The following RGS18 variants were observed in gnomAD, a reference collection of about 807,000 sequenced individuals.
RGS18 encodes the protein regulator of G-protein signaling 18.
RGS18 carries 22 observed loss-of-function variants against 27.6 expected under a neutral mutation model. That is an observed-to-expected ratio of 0.80 (90% CI 0.57 to 1.14). RGS18 has a LOEUF of 1.14. RGS18 is among the 50% of genes most tolerant of loss of function. RGS18 has a pLI of 0.00. For synonymous variants in RGS18, 89 were observed against 84.6 expected (o/e 1.05, Z -0.29); for missense variants, 299 against 269.6 (o/e 1.11, Z -0.76).
At chr1:192,158,923 CTG>C (rs1012741895) in intron 1 of RGS18, among the ~76,000 whole-genome samples, 167 bp downstream of exon 1, 1 of 151,636 alleles carries the variant, frequency 6.6e-6, no homozygotes, top group African/African-American at 2.4e-5. Context: ...AAACAACAAA[CTG>C]AAATCTAAAG....
At chr1:192,160,560 C>G in intron 3 of RGS18, 121 bp downstream of exon 3, 2 of 613,352 alleles carry the variant, frequency 3.3e-6, no homozygotes, top group Non-Finnish European at 5.9e-6. Flanking sequence ...TTCAGTAATT[C>G]AATTTTCTGA....
In RGS18 at chr1:192,160,434, A is replaced by G. The variant is rs779356555; in HGVS notation, c.278A>G (p.His93Arg). Residue 93 changes from histidine (H) to arginine (R), a missense_variant, in exon 3 of 5, where the codon CAT becomes CGT. Transcript: ENST00000367460. ...WGESFDKLLS[H>R]RDGLEAFTRF... Reference sequence around the variant, plus strand: ...GAATCATTTGACAAACTGCTTTCCCATAGAGGTTAGTGGTACTTTCACCAA... The same window carrying G: ...GAATCATTTGACAAACTGCTTTCCCGTAGAGGTTAGTGGTACTTTCACCAA... 6 of 1,608,668 alleles carry G rather than the reference A, an allele frequency of 3.7e-6. No individual in the cohort carries two copies. In the South Asian group the frequency reaches 4.4e-5, roughly 12 times the overall value.
chr1:192,158,543 CT>C lies in RGS18; in HGVS notation c.-90del. On this transcript the variant is annotated 5_prime_UTR_variant, in exon 1 of 5. Coordinates refer to ENST00000367460, the MANE Select transcript of RGS18 (RefSeq NM_130782.3). ...AACATTACTGTAAGAGTTGTGATAACTTTTTATTCTACTATGTATATGTATG... is the reference window on the plus strand; with the variant it reads ...AACATTACTGTAAGAGTTGTGATAACTTTTATTCTACTATGTATATGTATG... 9.0e-7 allele frequency: 1 copy of C among 1,105,276 alleles called. No individual in the cohort carries two copies. Among genetic ancestry groups the C allele is most frequent in the East Asian group, 3.2e-5 (1 of 31,244 alleles). The allele number at this position is 1,105,276 out of a possible 1,614,324, so 68.5% of individuals were successfully genotyped here.
chr1:192,181,295 G>T lies in RGS18; in HGVS notation c.287G>T (p.Gly96Val). The T allele has an allele frequency of 8.2e-6, 12 of 1,462,804 alleles. No individual in the cohort carries two copies. Among genetic ancestry groups the T allele is most frequent in the Non-Finnish European group, 1.1e-5 (12 of 1,073,502 alleles). 90.6% of individuals were successfully genotyped at this position (1,462,804 alleles called of 1,614,324 possible). A position where few individuals can be genotyped will look rare whatever the true frequency, so the allele number is the denominator to read the frequency against. The change falls in exon 4 of 5, where the codon GGA becomes GTA. Residue 96 changes from glycine (G) to valine (V), a missense_variant. Coordinates refer to ENST00000367460, the MANE Select transcript of RGS18 (RefSeq NM_130782.3). ...ATATTATTTATTTTCTTGATAGATG[G>T]ACTAGAGGCTTTTACCAGATTTCTT... ...SFDKLLSHRD[G>V]LEAFTRFLKT...
At chr1:192,162,565 G>C (rs1323369822) in intron 3 of RGS18, among the ~76,000 whole-genome samples, 1 of 152,150 alleles carries the variant, frequency 6.6e-6, no homozygotes, top group African/African-American at 2.4e-5. Context: ...TTACAGGCGT[G>C]AGTCATCATG....
chr1:192,175,217 T>C (rs186058333), intron 3 of RGS18, among the ~76,000 whole-genome samples: 3 of 151,926 alleles, frequency 2.0e-5, no homozygotes, highest in Admixed American at 2.0e-4. Flanking sequence ...TTTTTTAAAG[T>C]TTTTGTCTGC....
chr1:192,182,390 A>T (rs937717955), intron 4 of RGS18, among the ~76,000 whole-genome samples: 1 of 151,594 alleles, frequency 6.6e-6, no homozygotes, highest in Non-Finnish European at 1.5e-5. Context: ...ATTCTAACCG[A>T]AGTGAGTTGG....
chr1:192,183,006 G>A (rs1484087834), intron 4 of RGS18, among the ~76,000 whole-genome samples: 1 of 151,580 alleles, frequency 6.6e-6, no homozygotes, highest in Non-Finnish European at 1.5e-5. Context: ...CATACTCAAT[G>A]TGAAGTAATT....
At chr1:192,170,079 C>T (rs940365098) in intron 3 of RGS18, among the ~76,000 whole-genome samples, 1 of 152,146 alleles carries the variant, frequency 6.6e-6, no homozygotes, top group African/African-American at 2.4e-5. Context: ...GGCTAACTGC[C>T]GAAAGTTTAG....
At chr1:192,176,853 G>A (rs1345848157) in intron 3 of RGS18, among the ~76,000 whole-genome samples, 1 of 151,764 alleles carries the variant, frequency 6.6e-6, no homozygotes, top group African/African-American at 2.4e-5. Flanking sequence ...CCAACAGAGA[G>A]CAGTGTACCT....
At position 192,159,111 on chromosome 1, in the gene RGS18, G is replaced by T. The variant is rs182587024; in HGVS notation, c.120-109G>T. On this transcript the variant is annotated intron_variant, in intron 1 of 4. Coordinates refer to ENST00000367460, the MANE Select transcript of RGS18 (RefSeq NM_130782.3). ...TTTAAATGGGATTCATGAGTGTGTG[G>T]GTATGGGTGGGCGTGGGTTTTTACC... The T allele has an allele frequency of 7.3e-6, 5 of 684,368 alleles. No homozygotes were observed. The Admixed American group carries it at 9.6e-5, about 13-fold the overall frequency. The allele number at this position is 684,368 out of a possible 1,614,324, so 42.4% of individuals were successfully genotyped here.
chr1:192,164,899 C>T (rs1049549782), intron 3 of RGS18, among the ~76,000 whole-genome samples: 5 of 152,062 alleles, frequency 3.3e-5, no homozygotes, highest in South Asian at 2.1e-4. Flanking sequence ...GTAAATTGTT[C>T]GTAAAGCATG....
intron 4 of RGS18, among the ~76,000 whole-genome samples, chr1:192,183,588 T>C (rs1003356192): frequency 6.6e-6 from 1 of 151,518 alleles, no homozygotes; most frequent in African/African-American, 2.4e-5. Flanking sequence ...GAAATGCTAG[T>C]CAAGAATAGA....
At position 192,181,388 on chromosome 1, in the gene RGS18, G is replaced by A; in HGVS notation, c.380G>A (p.Gly127Glu). 1.3e-6 allele frequency: 2 copies of A among 1,593,252 alleles called. No homozygotes were observed. Among genetic ancestry groups the A allele is most frequent in the Non-Finnish European group, 1.7e-6 (2 of 1,170,800 alleles). ...IACEDFKKSK[G>E]PQQIHLKAKA... ...TGTGAAGATTTCAAGAAAAGCAAGG[G>A]ACCTCAACAAATTCACCTTAAAGCA... Residue 127 changes from glycine to glutamate, a missense_variant, in exon 4 of 5, where the codon GGA (glycine) becomes GAA (glutamate). Coordinates refer to ENST00000367460, the MANE Select transcript of RGS18 (RefSeq NM_130782.3).
intron 3 of RGS18, among the ~76,000 whole-genome samples, chr1:192,175,364 G>C (rs978207806): frequency 6.6e-6 from 1 of 151,734 alleles, no homozygotes; most frequent in Non-Finnish European, 1.5e-5. Flanking sequence ...AGACATAGGA[G>C]TCTAAATTAT....
chr1:192,171,579 C>T (rs187518338), intron 3 of RGS18, among the ~76,000 whole-genome samples: 250 of 152,106 alleles, frequency 1.6e-3, no homozygotes, highest in Middle Eastern at 6.8e-3. Context: ...GTGAAAACAT[C>T]CCAATGAAGA....
intron 3 of RGS18, among the ~76,000 whole-genome samples, chr1:192,178,033 GAGAT>G (rs1346055398): frequency 4.6e-5 from 7 of 151,574 alleles, no homozygotes. Flanking sequence ...ATTTGTGTGA[GAGAT>G]AGTTCCGGTC....
At chr1:192,174,111 A>T (rs1297353904) in intron 3 of RGS18, among the ~76,000 whole-genome samples, 1 of 151,220 alleles carries the variant, frequency 6.6e-6, no homozygotes, top group South Asian at 2.1e-4. Flanking sequence ...CTGTACTTTC[A>T]CTATAATTCA....
chr1:192,183,986 G>A (rs1011013856), intron 4 of RGS18, among the ~76,000 whole-genome samples: 1 of 151,480 alleles, frequency 6.6e-6, no homozygotes, highest in African/African-American at 2.4e-5. Flanking sequence ...ACAGAGTGAG[G>A]TGTCACACAC....
Sources: gnomAD v4.1 joint callset for allele counts (sites outside exome capture counted in the v4.1 genomes callset) on GRCh38, gnomAD v4.1.1 for gene constraint, MANE v1.5 for transcripts, NCBI Gene and HGNC (gene_info 2026-07-23, HGNC 2026-07-21) for gene names.